The following MAP4K3 variants were observed in gnomAD, a reference collection of about 807,000 sequenced individuals.
MAP4K3 encodes mitogen-activated protein kinase kinase kinase kinase 3.
Under a neutral mutation model 143.5 loss-of-function variants are expected in MAP4K3, and 94 were observed. The ratio of observed to expected loss-of-function variants is 0.65; its 90% CI spans 0.55 to 0.78. The LOEUF is 0.78. MAP4K3 is among the 30% of genes least tolerant of loss of function. The pLI is 0.00. For synonymous variants in MAP4K3, 416 were observed against 347.2 expected (o/e 1.20, Z -2.20); for missense variants, 1,077 against 1,068.1 (o/e 1.01, Z -0.12).
chr2:39,262,297 T>C (rs10172736), intron 28 of MAP4K3, among the ~76,000 whole-genome samples: 119,749 of 152,150 alleles, frequency 0.79, 49,776 homozygotes, highest in Non-Finnish European at 0.92. Context: ...CTGCTGTTCC[T>C]ACAGTCCTTC....
At chr2:39,294,610 G>A (rs557892108) in intron 16 of MAP4K3, among the ~76,000 whole-genome samples, 184 of 152,296 alleles carry the variant, frequency 1.2e-3, no homozygotes, top group African/African-American at 3.9e-3. Flanking sequence ...CACTGGATAA[G>A]TTACTCTGAT....
chr2:39,339,391 T>G (rs1291285552), intron 4 of MAP4K3, among the ~76,000 whole-genome samples: 2 of 152,170 alleles, frequency 1.3e-5, no homozygotes, highest in Non-Finnish European at 2.9e-5. Context: ...AAGACAATTT[T>G]TTTTTCAGAA....
chr2:39,326,977 G>C (rs1424618477), intron 8 of MAP4K3, among the ~76,000 whole-genome samples: 3 of 152,008 alleles, frequency 2.0e-5, no homozygotes, highest in Non-Finnish European at 4.4e-5. Context: ...TTTTAAAAAA[G>C]ACTCTGCACT....
intron 1 of MAP4K3, among the ~76,000 whole-genome samples, chr2:39,426,773 T>TAAAGATAAGATAA (rs1389335324): frequency 6.6e-6 from 1 of 151,780 alleles, no homozygotes; most frequent in African/African-American, 2.4e-5. Flanking sequence ...ACAGACATAA[T>TAAAGATAAGATAA]TAAAGATAAT....
intron 1 of MAP4K3, among the ~76,000 whole-genome samples, chr2:39,423,275 G>T (rs992838162): frequency 9.2e-5 from 14 of 152,160 alleles, no homozygotes; most frequent in African/African-American, 4.8e-5. Context: ...ACCAAATGCT[G>T]GTGGGGATGT....
intron 12 of MAP4K3, among the ~76,000 whole-genome samples, chr2:39,318,265 G>A (rs1212649199): frequency 6.6e-6 from 1 of 151,964 alleles, no homozygotes; most frequent in African/African-American, 2.4e-5. Flanking sequence ...GGAGGGTGAG[G>A]ATAAAAAACT....
intron 15 of MAP4K3, among the ~76,000 whole-genome samples, chr2:39,306,911 T>C (rs1174683169): frequency 1.3e-5 from 2 of 152,236 alleles, no homozygotes; most frequent in African/African-American, 4.8e-5. Flanking sequence ...TCATCAACAC[T>C]TGCCACCTGG....
At chr2:39,311,180 C>T (rs759256108) in intron 13 of MAP4K3, among the ~76,000 whole-genome samples, 24 of 152,118 alleles carry the variant, frequency 1.6e-4, no homozygotes, top group Middle Eastern at 3.2e-3. Flanking sequence ...TGGGTTCAAG[C>T]GGTTCTCGTG....
At chr2:39,298,729 G>A (rs561260284) in intron 16 of MAP4K3, among the ~76,000 whole-genome samples, 98 of 152,184 alleles carry the variant, frequency 6.4e-4, no homozygotes, top group Middle Eastern at 3.4e-3. Context: ...CTTCTGGGAG[G>A]CTGAGGCAGG....
At chr2:39,333,162 T>C (rs918049936) in intron 7 of MAP4K3, among the ~76,000 whole-genome samples, 3 of 152,204 alleles carry the variant, frequency 2.0e-5, no homozygotes, top group African/African-American at 4.8e-5. Context: ...AAAAGCTTTA[T>C]GTGAAGAATA....
chr2:39,310,911 G>C (rs1015037101), intron 13 of MAP4K3, among the ~76,000 whole-genome samples: 8 of 152,038 alleles, frequency 5.3e-5, no homozygotes, highest in African/African-American at 1.7e-4. Flanking sequence ...CCATTTGTAT[G>C]TCAGCTGGAA....
chr2:39,334,768 C>T (rs1683806021), intron 6 of MAP4K3, among the ~76,000 whole-genome samples: 2 of 151,970 alleles, frequency 1.3e-5, no homozygotes, highest in Admixed American at 1.3e-4. Context: ...TCTGGGGTTA[C>T]AATAATGAGT....
chr2:39,270,911 T>C (rs115499255), intron 26 of MAP4K3, among the ~76,000 whole-genome samples: 2,734 of 152,218 alleles, frequency 0.018, 91 homozygotes, highest in African/African-American at 0.061. Context: ...CAGTAATTAC[T>C]AGATAATGAA....
intron 3 of MAP4K3, among the ~76,000 whole-genome samples, chr2:39,354,637 G>A (rs1349505182): frequency 6.6e-6 from 1 of 151,674 alleles, no homozygotes; most frequent in South Asian, 2.1e-4. Context: ...ACTCCAGCCT[G>A]GGCAACAGAG....
At chr2:39,404,620 T>TC (rs1473690820) in intron 1 of MAP4K3, among the ~76,000 whole-genome samples, 2 of 141,744 alleles carry the variant, frequency 1.4e-5, no homozygotes, top group East Asian at 2.0e-4. Context: ...TTTCTTTCTT[T>TC]TTTTTTTTTT....
intron 1 of MAP4K3, among the ~76,000 whole-genome samples, chr2:39,417,060 AT>A (rs1405692463): frequency 3.3e-5 from 5 of 152,238 alleles, no homozygotes; most frequent in Admixed American, 6.5e-5. Flanking sequence ...AATTATTATT[AT>A]TTCAAAGAGT....
At chr2:39,386,603 A>AT (rs1056629688) in intron 1 of MAP4K3, among the ~76,000 whole-genome samples, 4 of 150,428 alleles carry the variant, frequency 2.7e-5, no homozygotes, top group Admixed American at 6.6e-5. Context: ...GTTTAGGTAC[A>AT]TTTTTTTGCA....
At chr2:39,399,235 TTA>T (rs749826707) in intron 1 of MAP4K3, among the ~76,000 whole-genome samples, 2 of 152,150 alleles carry the variant, frequency 1.3e-5, no homozygotes, top group Non-Finnish European at 2.9e-5. Flanking sequence ...TAGTTGTAAT[TTA>T]TATGTCACTA....
At chr2:39,322,620 A>G (rs62136469) in intron 12 of MAP4K3, among the ~76,000 whole-genome samples, 5,341 of 60,230 alleles carry the variant, frequency 0.089, 144 homozygotes, top group East Asian at 0.15. Flanking sequence ...GTGTGTGTAT[A>G]TATGTATATA....
Sources: allele counts gnomAD v4.1 joint callset (sites outside exome capture counted in the v4.1 genomes callset), GRCh38; gene constraint gnomAD v4.1.1; transcripts MANE v1.5; gene names NCBI Gene and HGNC (gene_info 2026-07-23, HGNC 2026-07-21).